The following NFIX variants were observed in gnomAD, a reference collection of about 807,000 sequenced individuals.
The protein encoded by NFIX is nuclear factor 1 X-type.
Under a neutral mutation model 53.3 loss-of-function variants are expected in NFIX, and 2 were observed. The ratio of observed to expected loss-of-function variants is 0.04; its 90% CI spans 0.02 to 0.12. The LOEUF is 0.12. NFIX is among the 10% of genes least tolerant of loss of function. The pLI, the probability that NFIX is intolerant of heterozygous loss-of-function variation, is 1.00. For missense variants in NFIX, 310 were observed against 674.5 expected (o/e 0.46, Z 5.99); for synonymous variants, 244 against 289.0 (o/e 0.84, Z 1.58).
rs1160721999 is a variant in NFIX at position 13,025,545 on chromosome 19, C to T, written c.552C>T (p.His184=). ...ELDLYLAYFV[H]TPESGQSDSS... ...ATCTTTATCTGGCTTACTTTGTCCA[C>T]ACTCCGGGTAGGTCGTTCTCAACCA... Residue 184 remains histidine, a synonymous_variant, in exon 2 of 11, where the codon CAC becomes CAT. Coordinates refer to ENST00000592199, the MANE Select transcript of NFIX (RefSeq NM_001365902.3). This position sits in a 1 kb window ranked among gnomAD's most constrained non-coding sequence, Gnocchi z 7.5. 1 of 1,609,480 alleles carries T rather than the reference C, an allele frequency of 6.2e-7. No homozygotes were observed. Among genetic ancestry groups the T allele is most frequent in the Non-Finnish European group, 8.5e-7 (1 of 1,177,184 alleles).
chr19:13,020,710 T>C (rs972555098), intron 1 of NFIX, among the ~76,000 whole-genome samples: 1 of 152,112 alleles, frequency 6.6e-6, no homozygotes, highest in Non-Finnish European at 1.5e-5. Context: ...TCCCTGAGGC[T>C]CTATTGAGAC....
At position 13,087,359 on chromosome 19, in the gene NFIX, C is replaced by T. The variant is rs918622579; in HGVS notation, c.1255-630C>T. 7.2e-5 allele frequency among the ~76,000 whole-genome samples: 11 copies of T among 152,282 alleles called. No homozygotes were observed. In the East Asian group the frequency reaches 1.4e-3, roughly 19 times the overall value. Reference sequence around the variant, plus strand: ...ACCTCACGGGCACTAGAGCTGGCAGCGATGGATTTTCTTCCCTGGCCATTC... The same window carrying T: ...ACCTCACGGGCACTAGAGCTGGCAGTGATGGATTTTCTTCCCTGGCCATTC... On this transcript the variant is annotated intron_variant, in intron 8 of 10. Transcript: ENST00000592199.
rs890268563 is a variant in NFIX at position 13,095,571 on chromosome 19, A to C, written c.*922A>C. 6.6e-6 allele frequency: 1 copy of C among 151,760 alleles called. No individual in the cohort carries two copies. Among genetic ancestry groups the C allele is most frequent in the Non-Finnish European group, 1.5e-5 (1 of 67,914 alleles). The allele number at this position is 151,760 out of a possible 1,614,324, so 9.4% of individuals were successfully genotyped here. On this transcript the variant is annotated 3_prime_UTR_variant, in exon 11 of 11. Coordinates refer to ENST00000592199, the MANE Select transcript of NFIX (RefSeq NM_001365902.3). ...CGCCCCCGCCCCCAGCCCTGCATGC[A>C]GGTGCCCTCGCTCCGCCCCATCAGT...
chr19:13,014,105 T>C lies in NFIX; in HGVS notation c.28-10916T>C, dbSNP rs1237466412. 1 of 152,144 alleles carries C rather than the reference T, an allele frequency of 6.6e-6. No homozygotes were observed. The highest frequency in any genetic ancestry group is 2.1e-4 in the South Asian group (1 of 4,824). The allele number at this position is 152,144 out of a possible 1,614,324, so 9.4% of individuals were successfully genotyped here. A position where few individuals can be genotyped will look rare whatever the true frequency, so the allele number is the denominator to read the frequency against. ...ATTAAAGAGTGAGAAATAACTCGTC[T>C]CTCCTCTCTCCTCTCCATTCAGCAT... On this transcript the variant is annotated intron_variant, in intron 1 of 10. Transcript: ENST00000592199. The surrounding 1 kb of genome is among the most constrained non-coding windows in gnomAD (Gnocchi z 4.4).
At chr19:13,026,394 A>C (rs921661606) in intron 2 of NFIX, among the ~76,000 whole-genome samples, 4 of 151,436 alleles carry the variant, frequency 2.6e-5, no homozygotes, top group African/African-American at 9.7e-5. Flanking sequence ...AAAAAAAAAA[A>C]CTCTGTAAAA....
chr19:13,022,080 C>T lies in NFIX; in HGVS notation c.28-2941C>T, dbSNP rs1474034706. Among the ~76,000 whole-genome samples, 1 of 152,138 alleles carries T rather than the reference C, an allele frequency of 6.6e-6. No homozygotes were observed. Among genetic ancestry groups the T allele is most frequent in the Non-Finnish European group, 1.5e-5 (1 of 68,024 alleles). ...AGATCTGGAGAATTAAATGCCTGTG[C>T]AGTGGTGAGGGGCGTTGGTCAGATT... is the stretch of plus-strand genomic sequence containing the variant. On this transcript the variant is annotated intron_variant, in intron 1 of 10. Coordinates refer to ENST00000592199, the MANE Select transcript of NFIX (RefSeq NM_001365902.3). The surrounding 1 kb of genome is among the most constrained non-coding windows in gnomAD (Gnocchi z 4.5).
chr19:13,010,378 C>G (rs1384386349), intron 1 of NFIX, among the ~76,000 whole-genome samples: 1 of 152,250 alleles, frequency 6.6e-6, no homozygotes, highest in Admixed American at 6.5e-5. Flanking sequence ...TCTGACACCC[C>G]AGCCCGGCAA....
In NFIX at chr19:13,073,492, A is replaced by G. The variant is rs758930900; in HGVS notation, c.693A>G (p.Ser231=). The change falls in exon 4 of 11, where the codon TCA becomes TCG. Residue 231 remains serine, a synonymous_variant. Transcript: ENST00000592199. The surrounding 1 kb of genome is among the most constrained non-coding windows in gnomAD (Gnocchi z 4.5). The part of the protein sequence containing the change: ...VWNVTELVRV[S]QTPVATASGP... ...ATGTGACGGAGCTGGTGAGAGTATC[A>G]CAGAGTAAGTGAGTCCTTCCTTCCA... is the stretch of plus-strand genomic sequence containing the variant. The G allele has an allele frequency of 1.2e-6, 2 of 1,613,694 alleles. No homozygotes were observed. Among genetic ancestry groups the G allele is most frequent in the Non-Finnish European group, 1.7e-6 (2 of 1,179,628 alleles).
In NFIX at chr19:13,081,316, T is replaced by C. The variant is rs1344565311; in HGVS notation, c.1079-364T>C. ...GAGACCCTGTCTCAAATAATAATAA[T>C]AACACTTTTTTAAAAAGCCAAATAA... On this transcript the variant is annotated intron_variant, in intron 7 of 10. Coordinates refer to ENST00000592199, the MANE Select transcript of NFIX (RefSeq NM_001365902.3). This position sits in a 1 kb window ranked among gnomAD's most constrained non-coding sequence, Gnocchi z 4.7. Among the ~76,000 whole-genome samples the C allele has an allele frequency of 6.6e-6, 1 of 151,982 alleles. No individual in the cohort carries two copies. The highest frequency in any genetic ancestry group is 2.4e-5 in the African/African-American group (1 of 41,366).
In NFIX at chr19:13,046,885, G is replaced by A. The variant is rs576044865; in HGVS notation, c.559+21333G>A. ...TAAATCACAGAGCCTGATCAGGAGAGGGTCAGAGTTCCAGACTCTTGAAGA... is the reference window on the plus strand; with the variant it reads ...TAAATCACAGAGCCTGATCAGGAGAAGGTCAGAGTTCCAGACTCTTGAAGA... On this transcript the variant is annotated intron_variant, in intron 2 of 10. Coordinates refer to ENST00000592199, the MANE Select transcript of NFIX (RefSeq NM_001365902.3). Among the ~76,000 whole-genome samples, 38 of 152,272 alleles carry A rather than the reference G, an allele frequency of 2.5e-4. No homozygotes were observed. In the South Asian group the frequency reaches 7.7e-3, roughly 31 times the overall value.
At chr19:13,020,127 G>A (rs1458458144) in intron 1 of NFIX, among the ~76,000 whole-genome samples, 1 of 152,158 alleles carries the variant, frequency 6.6e-6, no homozygotes. Flanking sequence ...CTGGTCTTTG[G>A]TGCAGGATGT....
chr19:13,021,701 G>C lies in NFIX; in HGVS notation c.28-3320G>C, dbSNP rs886127443. Among the ~76,000 whole-genome samples, 1 of 151,776 alleles carries C rather than the reference G, an allele frequency of 6.6e-6. No individual in the cohort carries two copies. The highest frequency in any genetic ancestry group is 2.1e-4 in the South Asian group (1 of 4,816). ...ATCTATTTCCTTCTTACTGTGTTTC[G>C]AAGGCCTCAAGCATGGCTGCTCCAT... On this transcript the variant is annotated intron_variant, in intron 1 of 10. Coordinates refer to ENST00000592199, the MANE Select transcript of NFIX (RefSeq NM_001365902.3). This position sits in a 1 kb window ranked among gnomAD's most constrained non-coding sequence, Gnocchi z 4.2.
chr19:13,073,105 C>T lies in NFIX; in HGVS notation c.618C>T (p.Pro206=). ...QQGDADIKPL[P]NGHLSFQDCF... ...GAGATGCGGACATCAAACCACTGCCCAACGGTCAGTGCCCCCCACCTGCCC... is the reference window on the plus strand; with the variant it reads ...GAGATGCGGACATCAAACCACTGCCTAACGGTCAGTGCCCCCCACCTGCCC... Residue 206 remains proline (P), a synonymous_variant, in exon 3 of 11, where the codon CCC becomes CCT. Transcript: ENST00000592199. The surrounding 1 kb of genome is among the most constrained non-coding windows in gnomAD (Gnocchi z 4.5). 5 of 1,613,928 alleles carry T rather than the reference C, an allele frequency of 3.1e-6. No homozygotes were observed. Among genetic ancestry groups the T allele is most frequent in the Non-Finnish European group, 4.2e-6 (5 of 1,179,816 alleles).
rs1196063477 is a variant in NFIX, at chr19:13,072,885, C to T, written c.560-162C>T. On this transcript the variant is annotated intron_variant, in intron 2 of 10. Coordinates refer to ENST00000592199, the MANE Select transcript of NFIX (RefSeq NM_001365902.3). The surrounding 1 kb of genome is among the most constrained non-coding windows in gnomAD (Gnocchi z 4.0). ...CTTTCCTTCTCTGCTTTGGGTCTCC[C>T]GGAGCCTCCTGGGGCTGGTTTGGGG... is the stretch of plus-strand genomic sequence containing the variant. Among the ~76,000 whole-genome samples the T allele has an allele frequency of 1.3e-5, 2 of 152,082 alleles. No individual in the cohort carries two copies. Among genetic ancestry groups the T allele is most frequent in the Non-Finnish European group, 2.9e-5 (2 of 68,008 alleles).
chr19:13,042,488 G>A (rs1287349710), intron 2 of NFIX, among the ~76,000 whole-genome samples: 1 of 150,466 alleles, frequency 6.6e-6, no homozygotes, highest in African/African-American at 2.5e-5. Flanking sequence ...AGGAGAAGCT[G>A]GGTTTACAGG....
At chr19:13,042,002 A>G (rs1010636498) in intron 2 of NFIX, among the ~76,000 whole-genome samples, 1 of 151,378 alleles carries the variant, frequency 6.6e-6, no homozygotes, top group African/African-American at 2.4e-5. Flanking sequence ...GATTCACGCC[A>G]TTCTGCTGCC....
In NFIX at chr19:13,027,573, G is replaced by C. The variant is rs1278384891; in HGVS notation, c.559+2021G>C. 1.3e-5 allele frequency among the ~76,000 whole-genome samples: 2 copies of C among 152,126 alleles called. No individual in the cohort carries two copies. The highest frequency in any genetic ancestry group is 2.9e-5 in the Non-Finnish European group (2 of 68,034). ...ATCAACACTCATCTTCCTCTGAGCTGGCTTCCTCCAACCCCGCTCTCTGAC... is the reference window on the plus strand; with the variant it reads ...ATCAACACTCATCTTCCTCTGAGCTCGCTTCCTCCAACCCCGCTCTCTGAC... On this transcript the variant is annotated intron_variant, in intron 2 of 10. Transcript: ENST00000592199. The surrounding 1 kb of genome is among the most constrained non-coding windows in gnomAD (Gnocchi z 4.3).
At chr19:13,035,320 C>G (rs1249290283) in intron 2 of NFIX, among the ~76,000 whole-genome samples, 2 of 152,222 alleles carry the variant, frequency 1.3e-5, no homozygotes, top group Non-Finnish European at 2.9e-5. Flanking sequence ...TTTCCCCTTT[C>G]ACCTCCCCCT....
At chr19:13,018,542 G>C (rs970028056) in intron 1 of NFIX, among the ~76,000 whole-genome samples, 1 of 152,196 alleles carries the variant, frequency 6.6e-6, no homozygotes, top group Non-Finnish European at 1.5e-5. Flanking sequence ...CAAATTATCC[G>C]AGCTCCCTCG....
Sources: gnomAD v4.1 joint callset for allele counts (sites outside exome capture counted in the v4.1 genomes callset) on GRCh38, gnomAD v4.1.1 for gene constraint, Gnocchi (gnomAD v3.1) non-coding constraint, MANE v1.5 for transcripts, NCBI Gene and HGNC (gene_info 2026-07-23, HGNC 2026-07-21) for gene names.